The following SH3RF1 variants were observed in gnomAD, a reference collection of about 807,000 sequenced individuals.
SH3RF1 encodes the protein SH3 domain containing ring finger 1, also known as E3 ubiquitin-protein ligase SH3RF1.
In SH3RF1, 32 loss-of-function variants were observed where a neutral mutation model predicts 74.0. That is an observed-to-expected ratio of 0.43 (90% CI 0.33 to 0.58). The LOEUF (loss-of-function observed/expected upper bound fraction) is 0.58. Ranked by LOEUF, SH3RF1 falls within the 20% of genes least tolerant of loss-of-function variation. The probability of loss-of-function intolerance (pLI) is 0.05; values close to 1 mark genes in which losing one functional copy is unlikely to be tolerated. For missense variants in SH3RF1, 954 were observed against 1,130.9 expected (o/e 0.84, Z 2.24); for synonymous variants, 396 against 439.6 (o/e 0.90, Z 1.24).
At chr4:169,122,407 G>T in intron 6 of SH3RF1, 141 bp from the exon 7 acceptor site, 1 of 934,368 alleles carries the variant, frequency 1.1e-6, no homozygotes. Context: ...GGCAGAATCA[G>T]CAGGCTAACT....
At chr4:169,223,685 G>A (rs1277104236) in intron 2 of SH3RF1, among the ~76,000 whole-genome samples, 2 of 152,188 alleles carry the variant, frequency 1.3e-5, no homozygotes, top group African/African-American at 4.8e-5. Context: ...CTAATGGGGT[G>A]ATGGGCAAGC....
At chr4:169,214,118 C>T (rs542729879) in intron 2 of SH3RF1, among the ~76,000 whole-genome samples, 9 of 152,256 alleles carry the variant, frequency 5.9e-5, no homozygotes, top group Admixed American at 3.3e-4. Context: ...GGTGGGGCCT[C>T]GAGGGAAGTG....
intron 2 of SH3RF1, among the ~76,000 whole-genome samples, chr4:169,264,765 G>C (rs1731327580): frequency 6.6e-6 from 1 of 152,126 alleles, no homozygotes; most frequent in Non-Finnish European, 1.5e-5. Context: ...CGTGGCCCTT[G>C]GGGCAGTTCT....
intron 2 of SH3RF1, among the ~76,000 whole-genome samples, chr4:169,167,851 C>T (rs1734272244): frequency 6.6e-6 from 1 of 152,096 alleles, no homozygotes; most frequent in African/African-American, 2.4e-5. Context: ...GTAATTCACA[C>T]ATACAAATTT....
chr4:169,104,058 G>A (rs1010200797), intron 11 of SH3RF1, among the ~76,000 whole-genome samples: 2 of 152,188 alleles, frequency 1.3e-5, no homozygotes, highest in South Asian at 4.1e-4. Context: ...GGAGCCTGCT[G>A]TTAGAAAGGA....
chr4:169,205,678 C>G (rs192363981), intron 2 of SH3RF1, among the ~76,000 whole-genome samples: 1 of 152,172 alleles, frequency 6.6e-6, no homozygotes, highest in East Asian at 1.9e-4. Flanking sequence ...CAATGAATGA[C>G]GTTAGCAGGA....
intron 2 of SH3RF1, among the ~76,000 whole-genome samples, chr4:169,244,546 C>T (rs1197966856): frequency 2.0e-5 from 3 of 152,164 alleles, no homozygotes; most frequent in Non-Finnish European, 4.4e-5. Context: ...AATTCTCCTA[C>T]AACGTAAGTT....
At chr4:169,262,741 T>C (rs1269367390) in intron 2 of SH3RF1, among the ~76,000 whole-genome samples, 1 of 152,202 alleles carries the variant, frequency 6.6e-6, no homozygotes. Flanking sequence ...TATGGTTACA[T>C]GACACTTTAT....
chr4:169,207,508 T>C (rs1467672876), intron 2 of SH3RF1, among the ~76,000 whole-genome samples: 2 of 152,346 alleles, frequency 1.3e-5, no homozygotes, highest in East Asian at 3.9e-4. Context: ...TCCTACATTT[T>C]AAAACAAGTC....
chr4:169,156,825 A>C (rs1734065323), intron 2 of SH3RF1, 146 bp from the exon 3 acceptor site: 2 of 708,222 alleles, frequency 2.8e-6, no homozygotes, highest in South Asian at 4.3e-5. Flanking sequence ...AACAATATAT[A>C]TGTGTTACCA....
chr4:169,149,213 T>C (rs1311020912), intron 4 of SH3RF1, among the ~76,000 whole-genome samples: 2 of 152,206 alleles, frequency 1.3e-5, no homozygotes, highest in Non-Finnish European at 2.9e-5. Context: ...GAATAATAGA[T>C]GGAGCATAAA....
intron 6 of SH3RF1, among the ~76,000 whole-genome samples, chr4:169,123,247 T>C (rs1733470066): frequency 6.6e-6 from 1 of 152,232 alleles, no homozygotes; most frequent in Admixed American, 6.5e-5. Flanking sequence ...TTTCTGTTTT[T>C]TGGAATAAAA....
intron 2 of SH3RF1, among the ~76,000 whole-genome samples, chr4:169,202,665 C>A (rs1009243069): frequency 6.6e-6 from 1 of 152,188 alleles, no homozygotes; most frequent in African/African-American, 2.4e-5. Flanking sequence ...AGCCTGCCTC[C>A]CTATTTCTAC....
chr4:169,208,588 T>G, intron 2 of SH3RF1, among the ~76,000 whole-genome samples: 1 of 152,218 alleles, frequency 6.6e-6, no homozygotes, highest in Non-Finnish European at 1.5e-5. Flanking sequence ...ATTAGTCATC[T>G]TAGTTATACC....
chr4:169,188,717 G>A lies in SH3RF1; in HGVS notation c.394-32038C>T, dbSNP rs116599133. On this transcript the variant is annotated intron_variant, in intron 2 of 11. Transcript: ENST00000284637. ...TATGTAACAATTTCAACCTGTATAC[G>A]GCAGTTCAATAAATTCTAAATGAAA... Among the ~76,000 whole-genome samples the A allele has an allele frequency of 7.2e-3, 1,100 of 152,198 alleles. 3 individuals are homozygous for A. The highest frequency in any genetic ancestry group is 0.012 in the Non-Finnish European group (818 of 68,002).
intron 2 of SH3RF1, among the ~76,000 whole-genome samples, chr4:169,220,850 T>C (rs183864304): frequency 7.2e-4 from 110 of 152,346 alleles, no homozygotes; most frequent in African/African-American, 2.5e-3. Flanking sequence ...ATTAGGTTAG[T>C]ATTTATAATT....
At chr4:169,269,731 C>A (rs552622881) in intron 1 of SH3RF1, 1 of 152,796 alleles carries the variant, frequency 6.5e-6, no homozygotes, top group South Asian at 2.1e-4. Context: ...ACTAAATTCC[C>A]TTTTTTAAGC....
intron 2 of SH3RF1, among the ~76,000 whole-genome samples, chr4:169,187,821 C>A (rs1341861502): frequency 6.6e-6 from 1 of 152,100 alleles, no homozygotes; most frequent in South Asian, 2.1e-4. Context: ...AAATTCATAT[C>A]TAGCTGGTAC....
rs1016333472 is a variant in SH3RF1 at position 169,165,602 on chromosome 4, T to C, written c.394-8923A>G. Among the ~76,000 whole-genome samples the C allele has an allele frequency of 2.7e-5, 4 of 149,628 alleles. No homozygotes were observed. In the Middle Eastern group the frequency reaches 0.01, roughly 390 times the overall value. On this transcript the variant is annotated intron_variant, in intron 2 of 11. Transcript: ENST00000284637. ...TTGTGCCACTGCACTCCAGCCTAGG[T>C]GACAGAGCAAGACTCTGTCTCAGAG... is the stretch of plus-strand genomic sequence containing the variant.
Sources: gnomAD v4.1 joint callset for allele counts (sites outside exome capture counted in the v4.1 genomes callset) on GRCh38, gnomAD v4.1.1 for gene constraint, MANE v1.5 for transcripts, NCBI Gene and HGNC (gene_info 2026-07-23, HGNC 2026-07-21) for gene names.